UMPS: variants seen among roughly 807,000 people sequenced by gnomAD.
UMPS encodes the protein uridine 5'-monophosphate synthase.
A neutral mutation model predicts 38.9 loss-of-function variants in UMPS; 21 were observed. The observed-to-expected ratio is 0.54, with a 90% CI of 0.38 to 0.78. The LOEUF (loss-of-function observed/expected upper bound fraction) is 0.78. Among genes scored for constraint, UMPS ranks in the 30% least tolerant of loss-of-function variants. UMPS has a pLI of 0.00. For synonymous variants in UMPS, 208 were observed against 219.3 expected (o/e 0.95, Z 0.45); for missense variants, 533 against 591.6 (o/e 0.90, Z 1.03).
chr3:124,738,779 AT>A (rs1448284783), intron 3 of UMPS: 1 of 155,406 alleles, frequency 6.4e-6, no homozygotes, highest in East Asian at 1.9e-4. Context: ...GATAAACATT[AT>A]TTAAAGATTT....
intron 1 of UMPS, among the ~76,000 whole-genome samples, chr3:124,734,260 TTA>T (rs1491272213): frequency 6.6e-6 from 1 of 151,544 alleles, no homozygotes; most frequent in African/African-American, 2.4e-5. Context: ...GTTTGCTTTT[TTA>T]AAAAAAAAAT....
Position 124,737,991 on chromosome 3 carries a change from G to A in UMPS, c.734G>A (p.Arg245Lys), listed in dbSNP as rs1165269062. Residue 245 changes from arginine to lysine, a missense_variant, in exon 3 of 6, where the codon AGG becomes AAG. Transcript: ENST00000232607. The stretch of plus-strand genomic sequence containing the variant: ...CACCCAGTTGCATCGAAGCTTCTCA[G>A]GCTTATGCAAAAGAAGGAGACCAAT... ...RIHPVASKLL[R>K]LMQKKETNLC... 6.2e-7 allele frequency: 1 copy of A among 1,614,160 alleles called. No homozygotes were observed.
intron 1 of UMPS, among the ~76,000 whole-genome samples, chr3:124,733,264 C>T (rs1207422739): frequency 6.6e-6 from 1 of 152,080 alleles, no homozygotes; most frequent in East Asian, 1.9e-4. Context: ...CTGTTTTTAT[C>T]TCTCTGTCAA....
chr3:124,734,413 A>T (rs1393606909), intron 1 of UMPS, among the ~76,000 whole-genome samples: 2 of 152,200 alleles, frequency 1.3e-5, no homozygotes, highest in Admixed American at 1.3e-4. Context: ...AGGATATATA[A>T]CTAAAAGATG....
chr3:124,738,217 C>A lies in UMPS; in HGVS notation c.960C>A (p.Asn320Lys). 2 of 1,613,978 alleles carry A rather than the reference C, an allele frequency of 1.2e-6. No homozygotes were observed. Among genetic ancestry groups the A allele is most frequent in the Non-Finnish European group, 1.7e-6 (2 of 1,180,014 alleles). ...FEDRKFADIGNTVKKQYEGGI... is the reference protein window; with the variant it reads ...FEDRKFADIGKTVKKQYEGGI... ...ACCGGAAGTTTGCAGATATAGGAAA[C>A]ACAGTGAAAAAGCAGTATGAAGGTA... Residue 320 changes from asparagine to lysine, a missense_variant, in exon 3 of 6, where the codon AAC (asparagine) becomes AAA (lysine). By Grantham distance (94) the Asn-to-Lys change is moderately conservative (BLOSUM62 0). Transcript: ENST00000232607.
In UMPS at chr3:124,742,251, C is replaced by G. The variant is rs1421845314; in HGVS notation, c.1258C>G (p.Gln420Glu). Residue 420 changes from glutamine (Q) to glutamate (E), a missense_variant, in exon 5 of 6, where the codon CAG becomes GAG. Gln to Glu is a conservative substitution (Grantham distance 29). Transcript: ENST00000232607. ...ATTTCTTCACTTGACTCCAGGAGTT[C>G]AGTTGGAAGCAGGAGGTAAATCTGG... Reference protein sequence around the residue: ...PEFLHLTPGVQLEAGGDNLGQ... With the variant: ...PEFLHLTPGVELEAGGDNLGQ... 9 of 1,613,552 alleles carry G rather than the reference C, an allele frequency of 5.6e-6. No individual in the cohort carries two copies. The highest frequency in any genetic ancestry group is 7.6e-6 in the Non-Finnish European group (9 of 1,179,528).
Position 124,740,545 on chromosome 3 carries a change from C to T in UMPS, c.1158+346C>T, listed in dbSNP as rs530852513. Among the ~76,000 whole-genome samples, 12 of 152,314 alleles carry T rather than the reference C, an allele frequency of 7.9e-5. No individual in the cohort carries two copies. In the East Asian group the frequency reaches 2.1e-3, roughly 27 times the overall value. On this transcript the variant is annotated intron_variant, in intron 4 of 5. Coordinates refer to ENST00000232607, the MANE Select transcript of UMPS (RefSeq NM_000373.4). ...AGATGAGAAGAGCTTCCCAGACATG[C>T]AGTTTCTCAGAATCTCCCAAGTCCT...
chr3:124,731,189 A>C lies in UMPS; in HGVS notation c.156+562A>C, dbSNP rs543681812. ...CCACTGCACTCCAGCCTGGGCGACAAGTGAGACCCTGCCCTCAAAAAACAA... is the reference window on the plus strand; with the variant it reads ...CCACTGCACTCCAGCCTGGGCGACACGTGAGACCCTGCCCTCAAAAAACAA... On this transcript the variant is annotated intron_variant, in intron 1 of 5. Coordinates refer to ENST00000232607, the MANE Select transcript of UMPS (RefSeq NM_000373.4). Among the ~76,000 whole-genome samples, 371 of 149,556 alleles carry C rather than the reference A, an allele frequency of 2.5e-3. 2 individuals are homozygous for C. Among genetic ancestry groups the C allele is most frequent in the African/African-American group, 8.3e-3 (338 of 40,944 alleles).
intron 5 of UMPS, chr3:124,742,600 G>T: frequency 4.1e-6 from 1 of 244,184 alleles, no homozygotes; most frequent in Non-Finnish European, 7.9e-6. Flanking sequence ...CCTAATAATT[G>T]TTTGACTAGA....
intron 3 of UMPS, among the ~76,000 whole-genome samples, chr3:124,739,761 A>G (rs1316584167): frequency 6.6e-6 from 1 of 152,212 alleles, no homozygotes; most frequent in East Asian, 1.9e-4. Flanking sequence ...GAGTCCTGTT[A>G]GTGTTCCAGA....
chr3:124,737,533 TA>T, intron 2 of UMPS, 34 bp from the exon 3 acceptor site: 2 of 1,606,196 alleles, frequency 1.2e-6, no homozygotes, highest in Non-Finnish European at 1.7e-6. Flanking sequence ...CATACATATT[TA>T]AATTTGGAAT....
rs2063578036 is a variant in UMPS at position 124,744,075 on chromosome 3, T to A, written c.1434T>A (p.Leu478=). The change falls in exon 6 of 6, where the codon CTT becomes CTA. Residue 478 remains leucine (L), a synonymous_variant. Coordinates refer to ENST00000232607, the MANE Select transcript of UMPS (RefSeq NM_000373.4). ...KAAWEAYLSR[L]GV is the part of the protein sequence containing the mutation. ...CTTGGGAAGCGTATTTGAGTAGACT[T>A]GGTGTTTGAGTGCTTCAGATACATT... 1 of 1,613,932 alleles carries A rather than the reference T, an allele frequency of 6.2e-7. No homozygotes were observed. The highest frequency in any genetic ancestry group is 1.7e-5 in the Admixed American group (1 of 60,000).
chr3:124,739,793 A>C (rs2063543468), intron 3 of UMPS, among the ~76,000 whole-genome samples: 1 of 152,214 alleles, frequency 6.6e-6, no homozygotes, highest in African/African-American at 2.4e-5. Context: ...CAGACCTTGA[A>C]AGTTTTTTCT....
At chr3:124,735,687 G>A (rs917272650) in intron 2 of UMPS, among the ~76,000 whole-genome samples, 5 of 152,286 alleles carry the variant, frequency 3.3e-5, no homozygotes, top group Middle Eastern at 3.4e-3. Flanking sequence ...TTTAAAACCC[G>A]AAAATTTGTC....
intron 2 of UMPS, among the ~76,000 whole-genome samples, chr3:124,736,626 A>G (rs1159254037): frequency 6.6e-6 from 1 of 152,152 alleles, no homozygotes; most frequent in African/African-American, 2.4e-5. Flanking sequence ...CTAAAAAAAA[A>G]CTGTATGAAT....
chr3:124,739,112 T>C (rs530695004), intron 3 of UMPS, among the ~76,000 whole-genome samples: 111 of 152,344 alleles, frequency 7.3e-4, no homozygotes, highest in African/African-American at 2.6e-3. Context: ...CTTTAGCTGA[T>C]TGACTGACAT....
chr3:124,740,614 T>C (rs1056281490), intron 4 of UMPS, among the ~76,000 whole-genome samples: 4 of 152,186 alleles, frequency 2.6e-5, no homozygotes, highest in African/African-American at 9.7e-5. Flanking sequence ...ATGCAGTGGC[T>C]TTCTCTTATT....
chr3:124,739,922 T>G, intron 3 of UMPS, 102 bp from the exon 4 acceptor site: 1 of 1,125,096 alleles, frequency 8.9e-7, no homozygotes, highest in Non-Finnish European at 1.3e-6. Context: ...CTCATTAACA[T>G]GTTACTGGGA....
rs1233999811 is a variant in UMPS, at chr3:124,745,026, A to G, written c.*942A>G. ...TCATTTTTTCCCCTAGCCAGCAATT[A>G]TGGACCAGTAGTAACACAAGTGACA... On this transcript the variant is annotated 3_prime_UTR_variant, in exon 6 of 6. Coordinates refer to ENST00000232607, the MANE Select transcript of UMPS (RefSeq NM_000373.4). 2.2e-6 allele frequency: 1 copy of G among 454,124 alleles called. No homozygotes were observed. Among genetic ancestry groups the G allele is most frequent in the Non-Finnish European group, 4.4e-6 (1 of 226,794 alleles). The allele number at this position is 454,124 out of a possible 1,614,324, so 28.1% of individuals were successfully genotyped here.
Sources: allele counts gnomAD v4.1 joint callset (sites outside exome capture counted in the v4.1 genomes callset), GRCh38; gene constraint gnomAD v4.1.1; transcripts MANE v1.5; gene names NCBI Gene and HGNC (gene_info 2026-07-23, HGNC 2026-07-21).